The following NFIC variants were observed in gnomAD, a reference collection of about 807,000 sequenced individuals.
NFIC encodes nuclear factor 1 C-type.
Under a neutral mutation model 54.4 loss-of-function variants are expected in NFIC, and 12 were observed. The observed-to-expected ratio is 0.22, with a 90% CI of 0.14 to 0.36. The LOEUF (loss-of-function observed/expected upper bound fraction) is 0.36, where lower values mean the gene tolerates loss of function less well. Ranked by LOEUF, NFIC falls within the 10% of genes least tolerant of loss-of-function variation. The pLI, the probability that NFIC is intolerant of heterozygous loss-of-function variation, is 1.00. For missense variants in NFIC, 575 were observed against 718.2 expected (o/e 0.80, Z 2.28); for synonymous variants, 322 against 319.2 (o/e 1.01, Z -0.09).
intron 6 of NFIC, among the ~76,000 whole-genome samples, chr19:3,447,518 A>G (rs2082391466): frequency 6.6e-6 from 1 of 152,150 alleles, no homozygotes; most frequent in Non-Finnish European, 1.5e-5. Flanking sequence ...AGTAGCTAAC[A>G]TTCTTCCAGC....
At chr19:3,363,259 A>ATG, upstream of NFIC, among the ~76,000 whole-genome samples, 1 of 23,856 alleles carries the variant, frequency 4.2e-5, no homozygotes, top group Middle Eastern at 0.042. Flanking sequence ...ATATATATAT[A>ATG]TATATATATA....
chr19:3,381,592 C>A, intron 1 of NFIC, 120 bp from the exon 2 acceptor site: 1 of 1,412,356 alleles, frequency 7.1e-7, no homozygotes, highest in Non-Finnish European at 9.3e-7. Context: ...CACCTCTGCC[C>A]AGCCCCTCCC....
intron 2 of NFIC, among the ~76,000 whole-genome samples, chr19:3,394,251 G>A (rs1354140450): frequency 6.6e-6 from 1 of 152,036 alleles, no homozygotes; most frequent in African/African-American, 2.4e-5. Flanking sequence ...GGCTGAGGTG[G>A]GAGGATCACT....
chr19:3,420,832 C>T (rs1034964584), intron 2 of NFIC, among the ~76,000 whole-genome samples: 2 of 152,034 alleles, frequency 1.3e-5, no homozygotes, highest in Admixed American at 6.6e-5. Flanking sequence ...AAGAGATTCT[C>T]CTGCCTCAGC....
Position 3,452,478 on chromosome 19 carries a change from G to A in NFIC, c.1085-4G>A, listed in dbSNP as rs752480526. On this transcript the variant is annotated splice_polypyrimidine_tract_variant and splice_region_variant and intron_variant, in intron 7 of 10. Transcript: ENST00000443272. This position sits in a 1 kb window ranked among gnomAD's most constrained non-coding sequence, Gnocchi z 5.3. ...GTAACCCCCGCTTCCCACTGTCTCC[G>A]CAGGGATCGCCCGGAGCCCACACCC... is the stretch of plus-strand genomic sequence containing the variant. 1.1e-5 allele frequency: 17 copies of A among 1,610,396 alleles called. No individual in the cohort carries two copies. Among genetic ancestry groups the A allele is most frequent in the East Asian group, 4.5e-5 (2 of 44,876 alleles).
In NFIC at chr19:3,467,758, C is replaced by CATACATATATATATATATATATAT. The variant is rs1176001849; in HGVS notation, c.*4992_*4993insCATATATATATATATATATATATA. 4.3e-5 allele frequency: 3 copies of CATACATATATATATATATATATAT among 69,632 alleles called. No individual in the cohort carries two copies. Among genetic ancestry groups the CATACATATATATATATATATATAT allele is most frequent in the African/African-American group, 1.9e-4 (2 of 10,622 alleles). 4.3% of individuals were successfully genotyped at this position (69,632 alleles called of 1,614,324 possible). On this transcript the variant is annotated 3_prime_UTR_variant, in exon 11 of 11. Coordinates refer to ENST00000443272, the MANE Select transcript of NFIC (RefSeq NM_001245002.2). ...ACCTCCAGTGTAGGGCTATACTATA[C>CATACATATATATATATATATATAT]ATATATATATATATATATATATATA...
chr19:3,452,401 C>A lies in NFIC; in HGVS notation c.1085-81C>A, dbSNP rs907765322. 9 of 1,541,224 alleles carry A rather than the reference C, an allele frequency of 5.8e-6. No homozygotes were observed. The highest frequency in any genetic ancestry group is 7.1e-6 in the Non-Finnish European group (8 of 1,132,694). On this transcript the variant is annotated intron_variant, in intron 7 of 10. Transcript: ENST00000443272. This position sits in a 1 kb window ranked among gnomAD's most constrained non-coding sequence, Gnocchi z 5.3. ...CACTGAGATGCCGGCAGGAATGACACCCACAGACACACAGTCACACGGTCA... is the reference window on the plus strand; with the variant it reads ...CACTGAGATGCCGGCAGGAATGACAACCACAGACACACAGTCACACGGTCA...
chr19:3,365,485 G>A (rs76049683), upstream of NFIC, among the ~76,000 whole-genome samples: 3,939 of 152,304 alleles, frequency 0.026, 82 homozygotes, highest in Middle Eastern at 0.082. Flanking sequence ...TGAACCGGGG[G>A]AGGGTTGGGG....
Position 3,464,155 on chromosome 19 carries a change from CG to C in NFIC, c.*1387del, listed in dbSNP as rs1279603548. ...GTGCCTCCCAGCGAAGGGGGACCGCCGTTTGCACTTTCATCGCCTACCCCGA... is the reference window on the plus strand; with the variant it reads ...GTGCCTCCCAGCGAAGGGGGACCGCCTTTGCACTTTCATCGCCTACCCCGA... On this transcript the variant is annotated 3_prime_UTR_variant, in exon 11 of 11. Transcript: ENST00000443272. 1.0e-6 allele frequency: 1 copy of C among 985,256 alleles called. No individual in the cohort carries two copies. Among genetic ancestry groups the C allele is most frequent in the Non-Finnish European group, 1.2e-6 (1 of 829,920 alleles). 61.0% of individuals were successfully genotyped at this position (985,256 alleles called of 1,614,324 possible). A position where few individuals can be genotyped will look rare whatever the true frequency, so the allele number is the denominator to read the frequency against.
chr19:3,362,950 C>T (rs1278824790), upstream of NFIC, among the ~76,000 whole-genome samples: 2 of 152,052 alleles, frequency 1.3e-5, no homozygotes, highest in African/African-American at 4.8e-5. Context: ...CTGTGAATTG[C>T]ATTCAACTTT....
At chr19:3,412,291 A>G (rs546618749) in intron 2 of NFIC, among the ~76,000 whole-genome samples, 2 of 152,148 alleles carry the variant, frequency 1.3e-5, no homozygotes, top group Non-Finnish European at 2.9e-5. Flanking sequence ...TCTGTTGCCC[A>G]GGCTGGAGTG....
intron 6 of NFIC, among the ~76,000 whole-genome samples, chr19:3,443,408 G>A (rs2145657308): frequency 6.6e-6 from 1 of 151,720 alleles, no homozygotes; most frequent in South Asian, 2.1e-4. Flanking sequence ...GGGCAACAGC[G>A]TGAGACCCTA....
At chr19:3,427,054 G>A (rs2082038539) in intron 3 of NFIC, among the ~76,000 whole-genome samples, 1 of 151,598 alleles carries the variant, frequency 6.6e-6, no homozygotes, top group Admixed American at 6.6e-5. Flanking sequence ...AGCCTCCCGA[G>A]TAGCTGGGAC....
intron 2 of NFIC, among the ~76,000 whole-genome samples, chr19:3,389,985 A>C (rs1276536405): frequency 4.6e-5 from 7 of 152,228 alleles, no homozygotes. Flanking sequence ...ACTCTGTCCC[A>C]AAAACAAAAC....
At chr19:3,409,568 G>T (rs1470855913) in intron 2 of NFIC, among the ~76,000 whole-genome samples, 1 of 152,160 alleles carries the variant, frequency 6.6e-6, no homozygotes, top group African/African-American at 2.4e-5. Context: ...TGCCGGGTGT[G>T]CGTTGACCTC....
rs550433659 is a variant in NFIC at position 3,451,503 on chromosome 19, A to G, written c.1085-979A>G. ...CAAAAAATTAACCAGGCGTGGTGGC[A>G]CACGCCGGCAGTCCGTGCTACTCAG... On this transcript the variant is annotated intron_variant, in intron 7 of 10. Transcript: ENST00000443272. Among the ~76,000 whole-genome samples, 10 of 152,016 alleles carry G rather than the reference A, an allele frequency of 6.6e-5. No homozygotes were observed. The East Asian group carries it at 1.8e-3, about 27-fold the overall frequency.
In NFIC at chr19:3,434,305, C is replaced by G; in HGVS notation, c.738C>G (p.Asn246Lys). The change falls in exon 5 of 11, where the codon AAC becomes AAG. Residue 246 changes from asparagine (N) to lysine (K), a missense_variant. By Grantham distance (94) the Asn-to-Lys change is moderately conservative. Around this residue, in one of 3 missense-constraint regions of NFIC, gnomAD observed 447 missense variants for 526.9 expected, o/e 0.85. Transcript: ENST00000443272. The stretch of plus-strand genomic sequence containing the variant: ...CCGTGGTGACTGGAACAGGACCCAA[C>G]TTCTCCCTGGGGGAGCTGCAGGGGC... ...RTPVVTGTGP[N>K]FSLGELQGHL... 6.2e-7 allele frequency: 1 copy of G among 1,612,982 alleles called. No homozygotes were observed. Among genetic ancestry groups the G allele is most frequent in the African/African-American group, 1.3e-5 (1 of 75,054 alleles).
rs537976895 is a variant in NFIC at position 3,458,164 on chromosome 19, G to A, written c.1509+1529G>A. ...CCCTGCCTTGCACCCATAGAGCCCC[G>A]GAGAGGGAGTAACTTGGTCAGGGTC... is the stretch of plus-strand genomic sequence containing the variant. On this transcript the variant is annotated intron_variant, in intron 10 of 10. Coordinates refer to ENST00000443272, the MANE Select transcript of NFIC (RefSeq NM_001245002.2). This position sits in a 1 kb window ranked among gnomAD's most constrained non-coding sequence, Gnocchi z 4.1. Among the ~76,000 whole-genome samples, 33 of 152,264 alleles carry A rather than the reference G, an allele frequency of 2.2e-4. No homozygotes were observed. Among genetic ancestry groups the A allele is most frequent in the Admixed American group, 3.3e-4 (5 of 15,300 alleles).
At chr19:3,420,986 G>A (rs1568437568) in intron 2 of NFIC, among the ~76,000 whole-genome samples, 1 of 152,200 alleles carries the variant, frequency 6.6e-6, no homozygotes. Context: ...GCCTCCCATA[G>A]TGCTGGGAAT....
Sources: allele counts gnomAD v4.1 joint callset (sites outside exome capture counted in the v4.1 genomes callset), GRCh38; gene constraint gnomAD v4.1.1; regional missense constraint gnomAD v4.1.1; non-coding constraint Gnocchi (gnomAD v3.1); transcripts MANE v1.5; gene names NCBI Gene and HGNC (gene_info 2026-07-23, HGNC 2026-07-21).